The following KIAA1217 variants were observed in gnomAD, a reference collection of about 807,000 sequenced individuals.
KIAA1217 encodes the protein sickle tail protein homolog.
A neutral mutation model predicts 163.9 loss-of-function variants in KIAA1217; 88 were observed. The ratio of observed to expected loss-of-function variants is 0.54; its 90% CI spans 0.45 to 0.64. The LOEUF (loss-of-function observed/expected upper bound fraction) is 0.64. Ranked by LOEUF, KIAA1217 falls within the 30% of genes least tolerant of loss-of-function variation. KIAA1217 has a pLI of 0.00. For synonymous variants in KIAA1217, 903 were observed against 923.1 expected (o/e 0.98, Z 0.39); for missense variants, 2,372 against 2,475.0 (o/e 0.96, Z 0.88).
At position 23,909,893 on chromosome 10, in the gene KIAA1217, C is replaced by G. The variant is rs1457802066; in HGVS notation, c.-320-97332C>G. 2.6e-5 allele frequency among the ~76,000 whole-genome samples: 4 copies of G among 152,204 alleles called. No individual in the cohort carries two copies. The South Asian group carries it at 6.2e-4, about 24-fold the overall frequency. On this transcript the variant is annotated intron_variant, in intron 1 of 18. Transcript: ENST00000376462. Reference sequence around the variant, plus strand: ...CACCTTATCTTCCAGAATGGTTGAACTAATTTACACTGCCACCAACAGCGT... The same window carrying G: ...CACCTTATCTTCCAGAATGGTTGAAGTAATTTACACTGCCACCAACAGCGT...
intron 2 of KIAA1217, among the ~76,000 whole-genome samples, chr10:24,308,214 T>G (rs2042226205): frequency 6.6e-6 from 1 of 152,198 alleles, no homozygotes; most frequent in African/African-American, 2.4e-5. Context: ...GTGTCCCTTT[T>G]CAGCCTCCTG....
chr10:23,769,129 A>C (rs566064198), intron 1 of KIAA1217, among the ~76,000 whole-genome samples: 1 of 152,316 alleles, frequency 6.6e-6, no homozygotes, highest in African/African-American at 2.4e-5. Context: ...CTCTGTGAGC[A>C]TTCTGGGATT....
chr10:23,980,982 G>T (rs1489205659), intron 1 of KIAA1217, among the ~76,000 whole-genome samples: 2 of 152,128 alleles, frequency 1.3e-5, no homozygotes, highest in Non-Finnish European at 2.9e-5. Flanking sequence ...CTCAACATTA[G>T]GCAATATGTC....
chr10:24,414,547 C>T (rs1005527192), intron 3 of KIAA1217, among the ~76,000 whole-genome samples: 1 of 152,082 alleles, frequency 6.6e-6, no homozygotes, highest in Non-Finnish European at 1.5e-5. Flanking sequence ...CAACAATTGT[C>T]GTTTTGATCA....
intron 2 of KIAA1217, among the ~76,000 whole-genome samples, chr10:24,094,238 A>G (rs1348856733): frequency 6.6e-6 from 1 of 152,154 alleles, no homozygotes; most frequent in Non-Finnish European, 1.5e-5. Flanking sequence ...TGACTTCCAC[A>G]ATGGTTGAAC....
At chr10:24,287,341 G>T (rs1272364052) in intron 2 of KIAA1217, among the ~76,000 whole-genome samples, 1 of 152,182 alleles carries the variant, frequency 6.6e-6, no homozygotes, top group Non-Finnish European at 1.5e-5. Context: ...GTGAGCCACC[G>T]TGCTTGGCCA....
At chr10:24,443,234 C>G (rs183722322) in intron 5 of KIAA1217, among the ~76,000 whole-genome samples, 1 of 152,286 alleles carries the variant, frequency 6.6e-6, no homozygotes, top group East Asian at 1.9e-4. Context: ...TCAAGATAAA[C>G]TTTTGAGCCA....
At chr10:23,852,285 T>G (rs1286552885) in intron 1 of KIAA1217, among the ~76,000 whole-genome samples, 1 of 152,182 alleles carries the variant, frequency 6.6e-6, no homozygotes, top group Admixed American at 6.5e-5. Flanking sequence ...CTTTCCCCAT[T>G]GCTTGTTTTT....
chr10:24,009,531 A>T (rs568459327), intron 2 of KIAA1217, among the ~76,000 whole-genome samples: 1 of 152,336 alleles, frequency 6.6e-6, no homozygotes, highest in East Asian at 1.9e-4. Flanking sequence ...GCTACAAAAC[A>T]ATAGCTACTA....
chr10:23,704,136 G>A (rs955004172), intron 1 of KIAA1217, among the ~76,000 whole-genome samples: 4 of 95,448 alleles, frequency 4.2e-5, no homozygotes, highest in African/African-American at 1.3e-4. Flanking sequence ...ATGCATGTAT[G>A]TGTGTGTGTA....
intron 1 of KIAA1217, among the ~76,000 whole-genome samples, chr10:23,849,388 C>T (rs1007614256): frequency 1.3e-5 from 2 of 152,012 alleles, no homozygotes; most frequent in Non-Finnish European, 1.5e-5. Context: ...CTTTGCTTAT[C>T]CTCTCCTTGG....
At chr10:24,285,801 T>A (rs2078480819) in intron 2 of KIAA1217, among the ~76,000 whole-genome samples, 1 of 152,256 alleles carries the variant, frequency 6.6e-6, no homozygotes, top group South Asian at 2.1e-4. Flanking sequence ...GTATGGACAT[T>A]TTAATAATAT....
intron 2 of KIAA1217, among the ~76,000 whole-genome samples, chr10:24,127,630 A>G (rs1166207553): frequency 6.6e-6 from 1 of 152,178 alleles, no homozygotes; most frequent in African/African-American, 2.4e-5. Context: ...GCTACTCACC[A>G]TAGGACCCCA....
chr10:23,962,773 C>T (rs1324801627), intron 1 of KIAA1217, among the ~76,000 whole-genome samples: 2 of 152,178 alleles, frequency 1.3e-5, no homozygotes, highest in Non-Finnish European at 2.9e-5. Context: ...AGGTCTGTGT[C>T]TGTTTCCTCT....
At chr10:23,971,307 C>A (rs528253840) in intron 1 of KIAA1217, among the ~76,000 whole-genome samples, 1 of 152,334 alleles carries the variant, frequency 6.6e-6, no homozygotes, top group East Asian at 1.9e-4. Context: ...TGAGCCCACT[C>A]GCCCAATTCC....
chr10:24,259,498 C>T (rs1373224341), intron 2 of KIAA1217, among the ~76,000 whole-genome samples: 2 of 152,072 alleles, frequency 1.3e-5, no homozygotes, highest in African/African-American at 2.4e-5. Flanking sequence ...GCTTGTGGTC[C>T]CCACTACTCC....
At chr10:23,959,206 C>T (rs1478566134) in intron 1 of KIAA1217, among the ~76,000 whole-genome samples, 13 of 151,954 alleles carry the variant, frequency 8.6e-5, no homozygotes, top group Non-Finnish European at 1.5e-5. Flanking sequence ...CCTTTCTTAC[C>T]TATTGCCTGG....
intron 5 of KIAA1217, among the ~76,000 whole-genome samples, chr10:24,465,738 G>A (rs1008653637): frequency 6.6e-6 from 1 of 152,210 alleles, no homozygotes; most frequent in Admixed American, 6.5e-5. Context: ...GTCACTTCGT[G>A]TTGTGGACAC....
At chr10:24,294,202 A>G (rs1177467713) in intron 2 of KIAA1217, among the ~76,000 whole-genome samples, 1 of 151,372 alleles carries the variant, frequency 6.6e-6, no homozygotes, top group South Asian at 2.1e-4. Context: ...AAAAAAAAAA[A>G]AAAAAAAAAA....
Sources: gnomAD v4.1 joint callset for allele counts (sites outside exome capture counted in the v4.1 genomes callset) on GRCh38, gnomAD v4.1.1 for gene constraint, MANE v1.5 for transcripts, NCBI Gene and HGNC (gene_info 2026-07-23, HGNC 2026-07-21) for gene names.